SLC35A3: variants seen among roughly 807,000 people sequenced by gnomAD.
SLC35A3 encodes UDP-N-acetylglucosamine transporter.
Under a neutral mutation model 39.0 loss-of-function variants are expected in SLC35A3, and 26 were observed. The observed-to-expected ratio is 0.67, with a 90% confidence interval of 0.49 to 0.92. The LOEUF (loss-of-function observed/expected upper bound fraction) is 0.92, where lower values mean the gene tolerates loss of function less well. SLC35A3 is among the 40% of genes least tolerant of loss of function. SLC35A3 has a pLI of 0.00. For missense variants in SLC35A3, 299 were observed against 371.6 expected, an observed-to-expected ratio of 0.80 and a Z score of 1.61; for synonymous variants, 135 against 133.1, an observed-to-expected ratio of 1.01 and a Z score of -0.10.
At position 100,024,588 on chromosome 1, in the gene SLC35A3, CA is replaced by C. The variant is rs1660783661; in HGVS notation, c.*2113del. ...AAGAAAACACACACACACACACACACACCCACAGTATGAATGAAAAAAATAA... is the reference window on the plus strand; with the variant it reads ...AAGAAAACACACACACACACACACACCCCACAGTATGAATGAAAAAAATAA... On this transcript the variant is annotated 3_prime_UTR_variant, in exon 8 of 8. Transcript: ENST00000533028. 22 of 242,738 alleles carry C rather than the reference CA, an allele frequency of 9.1e-5. No individual in the cohort carries two copies. Among genetic ancestry groups the C allele is most frequent in the East Asian group, 2.2e-4 (3 of 13,924 alleles). 15.0% of individuals were successfully genotyped at this position (242,738 alleles called of 1,614,324 possible).
chr1:99,985,257 G>A (rs907645400), intron 1 of SLC35A3, among the ~76,000 whole-genome samples: 3 of 152,162 alleles, frequency 2.0e-5, no homozygotes, highest in Admixed American at 2.0e-4. Context: ...TAAGGTGAGA[G>A]AGGAGGATCC....
chr1:100,025,124 A>T lies in SLC35A3; in HGVS notation c.*2648A>T, dbSNP rs1436195974. On this transcript the variant is annotated 3_prime_UTR_variant, in exon 8 of 8. Transcript: ENST00000533028. ...TAACCACCCTTTAGAGTATTTGTTT[A>T]CTAAGTTCACCACATTTTGAACATG... 6.4e-6 allele frequency: 1 copy of T among 156,684 alleles called. No individual in the cohort carries two copies. The highest frequency in any genetic ancestry group is 1.4e-5 in the Non-Finnish European group (1 of 71,190). 9.7% of individuals were successfully genotyped at this position (156,684 alleles called of 1,614,324 possible).
intron 3 of SLC35A3, among the ~76,000 whole-genome samples, chr1:100,005,102 T>A (rs1659126592): frequency 6.6e-6 from 1 of 152,170 alleles, no homozygotes; most frequent in Non-Finnish European, 1.5e-5. Context: ...GGTATTTTTA[T>A]CTGGCAGTTT....
chr1:99,995,306 C>G (rs1658341143), intron 2 of SLC35A3, among the ~76,000 whole-genome samples: 1 of 151,912 alleles, frequency 6.6e-6, no homozygotes, highest in African/African-American at 2.4e-5. Flanking sequence ...GTGCATGCTA[C>G]CACACCCTGC....
chr1:100,015,514 A>G (rs1660037319), intron 6 of SLC35A3, 94 bp downstream of exon 6: 6 of 1,336,874 alleles, frequency 4.5e-6, no homozygotes, highest in Non-Finnish European at 5.9e-6. Flanking sequence ...TGAGGGGGAA[A>G]AGGTCCCTCC....
chr1:100,004,053 T>A (rs1285822353), intron 3 of SLC35A3, among the ~76,000 whole-genome samples: 1 of 152,216 alleles, frequency 6.6e-6, no homozygotes, highest in Non-Finnish European at 1.5e-5. Context: ...AACATATGAT[T>A]TTTTAAATCC....
intron 2 of SLC35A3, among the ~76,000 whole-genome samples, chr1:99,997,100 G>A (rs1358129979): frequency 2.0e-5 from 3 of 151,680 alleles, no homozygotes; most frequent in Non-Finnish European, 4.4e-5. Flanking sequence ...TTAACCATAA[G>A]ATTGGCCAGC....
chr1:99,972,930 T>C (rs904050125), intron 1 of SLC35A3, among the ~76,000 whole-genome samples: 4 of 152,212 alleles, frequency 2.6e-5, no homozygotes, highest in Non-Finnish European at 4.4e-5. Flanking sequence ...GTCCAAATAA[T>C]TTGCCCTGGG....
intron 2 of SLC35A3, among the ~76,000 whole-genome samples, chr1:99,995,278 G>A (rs1658338335): frequency 6.6e-6 from 1 of 151,574 alleles, no homozygotes; most frequent in African/African-American, 2.4e-5. Context: ...TCAGCCTCCC[G>A]AGTAGCTGTG....
chr1:100,019,381 T>TTGAATGAA (rs71719100), intron 7 of SLC35A3, among the ~76,000 whole-genome samples: 16 of 149,274 alleles, frequency 1.1e-4, no homozygotes, highest in South Asian at 2.1e-4. Flanking sequence ...ACTGCCATTA[T>TTGAATGAA]TGAATGAATG....
In SLC35A3 at chr1:100,030,002, C is replaced by T. The variant is rs1661134768; in HGVS notation, c.*7526C>T. ...TTTACCTGTACTGCATATTAATAAA[C>T]AATTTTGAACTAATTTTAAATTAGG... is the stretch of plus-strand genomic sequence containing the variant. On this transcript the variant is annotated 3_prime_UTR_variant, in exon 8 of 8. Coordinates refer to ENST00000533028, the MANE Select transcript of SLC35A3 (RefSeq NM_012243.3). The T allele has an allele frequency of 6.6e-6, 1 of 152,020 alleles. No individual in the cohort carries two copies. Among genetic ancestry groups the T allele is most frequent in the Non-Finnish European group, 1.5e-5 (1 of 68,020 alleles). The allele number at this position is 152,020 out of a possible 1,614,324, so 9.4% of individuals were successfully genotyped here.
intron 5 of SLC35A3, among the ~76,000 whole-genome samples, chr1:100,012,569 C>T (rs1416875726): frequency 1.3e-5 from 2 of 152,000 alleles, no homozygotes; most frequent in Non-Finnish European, 2.9e-5. Flanking sequence ...ATCAAATTGT[C>T]AAAGATTAAC....
chr1:99,983,479 G>T (rs1191842914), intron 1 of SLC35A3, among the ~76,000 whole-genome samples: 1 of 151,432 alleles, frequency 6.6e-6, no homozygotes, highest in Non-Finnish European at 1.5e-5. Flanking sequence ...GCAGAGGTTG[G>T]AGTGAGCCGA....
Position 100,027,974 on chromosome 1 carries a change from G to A in SLC35A3, c.*5498G>A, listed in dbSNP as rs978999240. 9.4e-5 allele frequency: 11 copies of A among 116,768 alleles called. No homozygotes were observed. Among genetic ancestry groups the A allele is most frequent in the African/African-American group, 3.8e-4 (11 of 29,008 alleles). 7.2% of individuals were successfully genotyped at this position (116,768 alleles called of 1,614,324 possible). On this transcript the variant is annotated 3_prime_UTR_variant, in exon 8 of 8. Transcript: ENST00000533028. ...TTTTTTTTTTTTTTTTTTTGAGATG[G>A]TGTCTCGCTCTGTCACCTAGGCTGC...
chr1:100,016,407 T>C (rs1162034193), intron 6 of SLC35A3, among the ~76,000 whole-genome samples: 4 of 125,474 alleles, frequency 3.2e-5, no homozygotes, highest in South Asian at 2.6e-4. Flanking sequence ...GGAGTCTCGC[T>C]CTGTTGCCCA....
At chr1:100,001,556 T>C (rs575920462) in intron 3 of SLC35A3, among the ~76,000 whole-genome samples, 21 of 152,246 alleles carry the variant, frequency 1.4e-4, no homozygotes, top group Non-Finnish European at 2.5e-4. Context: ...TTTTGTATCC[T>C]GAAACAACTG....
At chr1:100,013,607 T>A (rs2101399437) in intron 5 of SLC35A3, among the ~76,000 whole-genome samples, 1 of 151,918 alleles carries the variant, frequency 6.6e-6, no homozygotes, top group South Asian at 2.1e-4. Context: ...CAGAGTGAAA[T>A]CCTGTCTCAA....
At chr1:100,002,695 C>A (rs1191935021) in intron 3 of SLC35A3, among the ~76,000 whole-genome samples, 1 of 152,176 alleles carries the variant, frequency 6.6e-6, no homozygotes, top group African/African-American at 2.4e-5. Context: ...TAGCTTACTG[C>A]AGCCTCAACC....
intron 1 of SLC35A3, among the ~76,000 whole-genome samples, chr1:99,986,086 G>A (rs368467848): frequency 6.6e-6 from 1 of 151,330 alleles, no homozygotes; most frequent in Non-Finnish European, 1.5e-5. Flanking sequence ...TTATTCTACT[G>A]TTAGGCAGAA....
Sources: gnomAD v4.1 joint callset for allele counts (sites outside exome capture counted in the v4.1 genomes callset) on GRCh38, gnomAD v4.1.1 for gene constraint, MANE v1.5 for transcripts, NCBI Gene and HGNC (gene_info 2026-07-23, HGNC 2026-07-21) for gene names.